The following CDH4 variants were observed in gnomAD, a reference collection of about 807,000 sequenced individuals.
CDH4 encodes cadherin-4.
Under a neutral mutation model 86.0 loss-of-function variants are expected in CDH4, and 33 were observed. The ratio of observed to expected loss-of-function variants is 0.38; its 90% CI spans 0.29 to 0.51. The LOEUF (loss-of-function observed/expected upper bound fraction) is 0.51. CDH4 is among the 20% of genes least tolerant of loss of function. The probability of loss-of-function intolerance (pLI) is 0.86; values close to 1 mark genes in which losing one functional copy is unlikely to be tolerated. For missense variants in CDH4, 1,114 were observed against 1,307.4 expected (o/e 0.85, Z 2.28); for synonymous variants, 555 against 549.4 (o/e 1.01, Z -0.14).
chr20:61,605,515 GTC>G (rs924298341), intron 2 of CDH4, among the ~76,000 whole-genome samples: 9 of 148,322 alleles, frequency 6.1e-5, no homozygotes, highest in African/African-American at 2.3e-4. Context: ...CTCCCTTTCT[GTC>G]TCTCCCTTTC....
rs943050620 is a variant in CDH4 at position 61,742,155 on chromosome 20, C to T, written c.170-1408C>T. On this transcript the variant is annotated intron_variant, in intron 2 of 15. Transcript: ENST00000614565. ...AAAAAAAAAAATGTAATGATTCCGT[C>T]CTTAGAAGGGGAACAGATCCGGGGA... is the stretch of plus-strand genomic sequence containing the variant. Among the ~76,000 whole-genome samples, 175 of 147,142 alleles carry T rather than the reference C, an allele frequency of 1.2e-3. 1 individual carries two copies. Among genetic ancestry groups the T allele is most frequent in the Non-Finnish European group, 1.4e-4 (9 of 65,892 alleles).
chr20:61,471,853 A>G (rs1430126708), intron 2 of CDH4, among the ~76,000 whole-genome samples: 2 of 151,484 alleles, frequency 1.3e-5, no homozygotes, highest in African/African-American at 2.4e-5. Flanking sequence ...CTAGTTTTCC[A>G]TTGTGGTCAG....
At chr20:61,805,421 C>A (rs541794845) in intron 4 of CDH4, among the ~76,000 whole-genome samples, 2 of 152,218 alleles carry the variant, frequency 1.3e-5, no homozygotes, top group Non-Finnish European at 2.9e-5. Flanking sequence ...GAGCCACACC[C>A]GAGCCCCATA....
chr20:61,824,972 C>T (rs1981241864), intron 4 of CDH4, among the ~76,000 whole-genome samples: 1 of 152,196 alleles, frequency 6.6e-6, no homozygotes. Flanking sequence ...TGGGACCCCA[C>T]GGCCACTTTC....
intron 2 of CDH4, among the ~76,000 whole-genome samples, chr20:61,331,669 CTCACCTCCTGCCCCG>C (rs2084579128): frequency 6.9e-6 from 1 of 144,470 alleles, no homozygotes; most frequent in Non-Finnish European, 1.5e-5. Flanking sequence ...CTGCCCCAGG[CTCACCTCCTGCCCCG>C]GCCACCTGCC....
intron 3 of CDH4, among the ~76,000 whole-genome samples, chr20:61,751,961 C>T (rs555895594): frequency 5.9e-5 from 9 of 152,202 alleles, no homozygotes; most frequent in African/African-American, 9.6e-5. Flanking sequence ...AACTGACCCC[C>T]GGGTGTGGAA....
chr20:61,599,601 C>T (rs1446497568), intron 2 of CDH4, among the ~76,000 whole-genome samples: 1 of 152,216 alleles, frequency 6.6e-6, no homozygotes, highest in African/African-American at 2.4e-5. Flanking sequence ...AGTGCAGGAA[C>T]ATTTCAGCAG....
intron 2 of CDH4, among the ~76,000 whole-genome samples, chr20:61,598,901 G>A (rs529623770): frequency 6.6e-5 from 10 of 152,362 alleles, no homozygotes; most frequent in East Asian, 1.9e-4. Context: ...CTGACACTGC[G>A]CAGCCTGGGC....
rs146385686 is a variant in CDH4 at position 61,430,797 on chromosome 20, A to G, written c.169+175860A>G. On this transcript the variant is annotated intron_variant, in intron 2 of 15. Coordinates refer to ENST00000614565, the MANE Select transcript of CDH4 (RefSeq NM_001794.5). ...TTTGGTAGCCTGCATATCATTTATA[A>G]TACTCCTCCCATACACTTCAGCTCT... Among the ~76,000 whole-genome samples the G allele has an allele frequency of 7.1e-3, 1,087 of 152,286 alleles. 13 individuals carry two copies. Among genetic ancestry groups the G allele is most frequent in the Non-Finnish European group, 8.1e-3 (552 of 68,032 alleles).
intron 4 of CDH4, among the ~76,000 whole-genome samples, chr20:61,801,652 C>T (rs1979836873): frequency 6.6e-6 from 1 of 151,056 alleles, no homozygotes; most frequent in Non-Finnish European, 1.5e-5. Context: ...GGGGAGGACC[C>T]ATCTCCTGCC....
At chr20:61,805,592 C>T (rs1348256642) in intron 4 of CDH4, among the ~76,000 whole-genome samples, 1 of 152,246 alleles carries the variant, frequency 6.6e-6, no homozygotes, top group Non-Finnish European at 1.5e-5. Flanking sequence ...GCCCGGGGGT[C>T]TCGGACCCAC....
At position 61,938,377 on chromosome 20, in the gene CDH4, T is replaced by C. The variant is rs1315868700; in HGVS notation, c.*1434T>C. 1 of 152,330 alleles carries C rather than the reference T, an allele frequency of 6.6e-6. No homozygotes were observed. The highest frequency in any genetic ancestry group is 1.5e-5 in the Non-Finnish European group (1 of 68,156). The allele number at this position is 152,330 out of a possible 1,614,324, so 9.4% of individuals were successfully genotyped here. A position where few individuals can be genotyped will look rare whatever the true frequency, so the allele number is the denominator to read the frequency against. On this transcript the variant is annotated 3_prime_UTR_variant, in exon 16 of 16. Transcript: ENST00000614565. Reference sequence around the variant, plus strand: ...TCACTGCATGAGAAAACTCAGAGGGTGCATTCTCCCTCTGGCATGGCTGTG... The same window carrying C: ...TCACTGCATGAGAAAACTCAGAGGGCGCATTCTCCCTCTGGCATGGCTGTG...
At chr20:61,612,424 T>C (rs1022821563) in intron 2 of CDH4, among the ~76,000 whole-genome samples, 4 of 152,148 alleles carry the variant, frequency 2.6e-5, no homozygotes, top group African/African-American at 9.7e-5. Flanking sequence ...GACTTGCCTT[T>C]TTCTCATAAT....
intron 4 of CDH4, among the ~76,000 whole-genome samples, chr20:61,814,222 C>T (rs1433964616): frequency 6.6e-6 from 1 of 152,180 alleles, no homozygotes; most frequent in Non-Finnish European, 1.5e-5. Context: ...CCCCTAAGGC[C>T]ACCCCAGGGA....
intron 2 of CDH4, among the ~76,000 whole-genome samples, chr20:61,598,461 T>C (rs1366446562): frequency 1.3e-5 from 2 of 151,818 alleles, no homozygotes; most frequent in Non-Finnish European, 2.9e-5. Context: ...GCTCCTGCTA[T>C]CTGTGGCCTC....
Position 61,810,321 on chromosome 20 carries a change from C to T in CDH4, c.577-34347C>T, listed in dbSNP as rs1980368334. On this transcript the variant is annotated intron_variant, in intron 4 of 15. Transcript: ENST00000614565. This position sits in a 1 kb window ranked among gnomAD's most constrained non-coding sequence, Gnocchi z 4.3. The stretch of plus-strand genomic sequence containing the variant: ...CGGGGCGGCTGTGCCAGGCTGTCGT[C>T]CCCCCCATGAGCCTGCTGTGTGTGT... Among the ~76,000 whole-genome samples, 1 of 152,140 alleles carries T rather than the reference C, an allele frequency of 6.6e-6. No individual in the cohort carries two copies. The highest frequency in any genetic ancestry group is 1.5e-5 in the Non-Finnish European group (1 of 68,008).
chr20:61,546,224 T>A lies in CDH4; in HGVS notation c.170-197339T>A, dbSNP rs1170618594. On this transcript the variant is annotated intron_variant, in intron 2 of 15. Coordinates refer to ENST00000614565, the MANE Select transcript of CDH4 (RefSeq NM_001794.5). ...CACATTCGTGCGTGTGTGTGGAGGG[T>A]GTGTGCATGTGTGTGGGGGTATGTG... is the stretch of plus-strand genomic sequence containing the variant. Among the ~76,000 whole-genome samples the A allele has an allele frequency of 9.7e-4, 143 of 148,172 alleles. No homozygotes were observed. The Middle Eastern group carries it at 0.011, about 11-fold the overall frequency.
At chr20:61,381,164 G>A (rs1054483349) in intron 2 of CDH4, among the ~76,000 whole-genome samples, 1 of 152,182 alleles carries the variant, frequency 6.6e-6, no homozygotes, top group African/African-American at 2.4e-5. Context: ...GAGGCTCGGG[G>A]TGCCTGCGCT....
intron 8 of CDH4, among the ~76,000 whole-genome samples, chr20:61,903,672 G>T (rs2054754302): frequency 6.6e-6 from 1 of 151,576 alleles, no homozygotes. Flanking sequence ...CAAAAACCGT[G>T]AAGGTGACCT....
Sources: gnomAD v4.1 joint callset for allele counts (sites outside exome capture counted in the v4.1 genomes callset) on GRCh38, gnomAD v4.1.1 for gene constraint, Gnocchi (gnomAD v3.1) non-coding constraint, MANE v1.5 for transcripts, NCBI Gene and HGNC (gene_info 2026-07-23, HGNC 2026-07-21) for gene names.